The following CRTAC1 variants were observed in gnomAD, a reference collection of about 807,000 sequenced individuals.
The protein encoded by CRTAC1 is cartilage acidic protein 1.
In CRTAC1, 37 loss-of-function variants were observed where a neutral mutation model predicts 67.8. The ratio of observed to expected loss-of-function variants is 0.55; its 90% CI spans 0.42 to 0.72. The LOEUF is 0.72. CRTAC1 is among the 30% of genes least tolerant of loss of function. The probability of loss-of-function intolerance (pLI) is 0.00; values close to 1 mark genes in which losing one functional copy is unlikely to be tolerated. For synonymous variants in CRTAC1, 348 were observed against 371.0 expected (o/e 0.94, Z 0.71); for missense variants, 780 against 931.6 (o/e 0.84, Z 2.12).
In CRTAC1 at chr10:97,895,523, A is replaced by G. The variant is rs1237450582; in HGVS notation, c.1318-110T>C. On this transcript the variant is annotated intron_variant, in intron 10 of 14. Transcript: ENST00000370597. The surrounding 1 kb of genome is among the most constrained non-coding windows in gnomAD (Gnocchi z 4.2). ...GAGAGGGAGAAGAAGGAGGAAGAGA[A>G]GAAAGCAGGCAGAGGAAAAAGATAG... is the stretch of plus-strand genomic sequence containing the variant. The G allele has an allele frequency of 1.2e-5, 12 of 981,248 alleles. No homozygotes were observed. Among genetic ancestry groups the G allele is most frequent in the Non-Finnish European group, 1.7e-5 (11 of 666,068 alleles). The allele number at this position is 981,248 out of a possible 1,614,324, so 60.8% of individuals were successfully genotyped here. A position where few individuals can be genotyped will look rare whatever the true frequency, so the allele number is the denominator to read the frequency against.
intron 11 of CRTAC1, among the ~76,000 whole-genome samples, chr10:97,887,026 A>C (rs1180317025): frequency 6.6e-6 from 1 of 151,874 alleles, no homozygotes; most frequent in Non-Finnish European, 1.5e-5. Flanking sequence ...TACAGTTCCC[A>C]AGTTAAGTGG....
At chr10:97,928,089 A>C (rs2050949152) in intron 3 of CRTAC1, among the ~76,000 whole-genome samples, 1 of 152,148 alleles carries the variant, frequency 6.6e-6, no homozygotes, top group Non-Finnish European at 1.5e-5. Flanking sequence ...GAAACAGGAG[A>C]GCATTTGGGG....
At chr10:98,020,736 G>T (rs974107356) in intron 1 of CRTAC1, among the ~76,000 whole-genome samples, 1 of 152,358 alleles carries the variant, frequency 6.6e-6, no homozygotes, top group East Asian at 1.9e-4. Context: ...TTTGTGTAGT[G>T]CAGTGAGGCT....
chr10:97,949,411 G>A (rs2051315285), intron 2 of CRTAC1, among the ~76,000 whole-genome samples: 3 of 152,236 alleles, frequency 2.0e-5, no homozygotes, highest in South Asian at 4.1e-4. Context: ...ACAGGCAGAG[G>A]TGGAACAGAG....
At chr10:98,028,830 G>A (rs965233743) in intron 1 of CRTAC1, among the ~76,000 whole-genome samples, 5 of 152,132 alleles carry the variant, frequency 3.3e-5, no homozygotes, top group African/African-American at 1.2e-4. Context: ...GGTACCCTAG[G>A]AGTTTGAACA....
At chr10:97,919,541 G>C (rs889700814) in intron 4 of CRTAC1, among the ~76,000 whole-genome samples, 5 of 152,128 alleles carry the variant, frequency 3.3e-5, no homozygotes, top group African/African-American at 1.2e-4. Context: ...CTTCTCTTTT[G>C]GTTATCTGAG....
At chr10:97,981,677 G>A (rs922178462) in intron 2 of CRTAC1, among the ~76,000 whole-genome samples, 4 of 152,136 alleles carry the variant, frequency 2.6e-5, no homozygotes, top group African/African-American at 9.7e-5. Flanking sequence ...AGAGTCAAAA[G>A]GGCTGTGCAT....
At chr10:97,928,132 C>T (rs4917792) in intron 3 of CRTAC1, among the ~76,000 whole-genome samples, 119,004 of 152,146 alleles carry the variant, frequency 0.78, 48,628 homozygotes, top group Non-Finnish European at 0.89. Flanking sequence ...ACAGCCCTTA[C>T]GAGGGGCAAG....
chr10:97,995,294 A>G (rs1564927571), intron 2 of CRTAC1, among the ~76,000 whole-genome samples: 2 of 152,050 alleles, frequency 1.3e-5, no homozygotes, highest in South Asian at 2.1e-4. Flanking sequence ...CTCTCCCCCA[A>G]CATACACACA....
At chr10:97,876,383 T>C (rs2050147947) in intron 14 of CRTAC1, among the ~76,000 whole-genome samples, 1 of 152,256 alleles carries the variant, frequency 6.6e-6, no homozygotes, top group Non-Finnish European at 1.5e-5. Flanking sequence ...CCAAGCCCAC[T>C]AAATGTAAGC....
rs984128387 is a variant in CRTAC1, at chr10:98,029,514, C to T, written c.24+935G>A. 1.4e-5 allele frequency among the ~76,000 whole-genome samples: 2 copies of T among 140,204 alleles called. No homozygotes were observed. The highest frequency in any genetic ancestry group is 1.4e-4 in the Admixed American group (2 of 14,800). 92.0% of individuals were successfully genotyped at this position (140,204 alleles called of 152,430 possible). ...GCAGCGGCGGCGGCGGCGGCGGCGG[C>T]GGCGGCGGCGGCGGCAGCAGCAGCA... On this transcript the variant is annotated intron_variant, in intron 1 of 14. Transcript: ENST00000370597. The surrounding 1 kb of genome is among the most constrained non-coding windows in gnomAD (Gnocchi z 4.7).
chr10:97,910,890 AAG>A (rs1251337667), intron 5 of CRTAC1, among the ~76,000 whole-genome samples: 2 of 152,284 alleles, frequency 1.3e-5, no homozygotes, highest in Non-Finnish European at 2.9e-5. Context: ...TTAGCTGCCA[AAG>A]AGAGCCCAAG....
intron 11 of CRTAC1, among the ~76,000 whole-genome samples, chr10:97,888,213 T>G (rs2136546437): frequency 6.6e-6 from 1 of 152,324 alleles, no homozygotes; most frequent in Non-Finnish European, 1.5e-5. Context: ...ATGATTCCCA[T>G]GGGAGCGATG....
chr10:97,886,649 C>CTTTT (rs34354595), intron 11 of CRTAC1, among the ~76,000 whole-genome samples: 8 of 141,876 alleles, frequency 5.6e-5, no homozygotes, highest in Middle Eastern at 3.3e-3. Context: ...TTTCTTTTTT[C>CTTTT]TTTTTTTTTT....
chr10:97,905,002 G>A (rs1231241576), intron 6 of CRTAC1, among the ~76,000 whole-genome samples, 188 bp from the exon 7 acceptor site: 1 of 152,104 alleles, frequency 6.6e-6, no homozygotes, highest in Non-Finnish European at 1.5e-5. Context: ...ACAGTCATGT[G>A]CTTGAAAAGA....
chr10:97,919,034 C>A (rs564918327), intron 4 of CRTAC1, among the ~76,000 whole-genome samples: 5 of 131,212 alleles, frequency 3.8e-5, no homozygotes, highest in South Asian at 5.1e-4. Context: ...ATCCACCACC[C>A]CCCCCCGCCT....
intron 2 of CRTAC1, among the ~76,000 whole-genome samples, chr10:97,965,401 T>C (rs1234283060): frequency 6.6e-6 from 1 of 152,202 alleles, no homozygotes; most frequent in Non-Finnish European, 1.5e-5. Context: ...CAGGGGACTG[T>C]AAACATCATT....
At chr10:97,865,828 GGGAGGGT>G in intron 14 of CRTAC1, 114 bp from the exon 15 acceptor site, 2 of 1,200,242 alleles carry the variant, frequency 1.7e-6, no homozygotes, top group Non-Finnish European at 2.2e-6. Context: ...CGGGGTGGGA[GGGAGGGT>G]GACGGGCCTC....
chr10:98,009,206 C>T (rs1440524256), intron 2 of CRTAC1, among the ~76,000 whole-genome samples: 1 of 152,216 alleles, frequency 6.6e-6, no homozygotes, highest in Non-Finnish European at 1.5e-5. Context: ...TCAAATGTGG[C>T]TATTTTTAAT....
Sources: gnomAD v4.1 joint callset for allele counts (sites outside exome capture counted in the v4.1 genomes callset) on GRCh38, gnomAD v4.1.1 for gene constraint, Gnocchi (gnomAD v3.1) non-coding constraint, MANE v1.5 for transcripts, NCBI Gene and HGNC (gene_info 2026-07-23, HGNC 2026-07-21) for gene names.